MYOF: variants seen among roughly 807,000 people sequenced by gnomAD.
MYOF encodes myoferlin.
A neutral mutation model predicts 284.2 loss-of-function variants in MYOF; 244 were observed. The ratio of observed to expected loss-of-function variants is 0.86; its 90% CI spans 0.77 to 0.95. The LOEUF (loss-of-function observed/expected upper bound fraction) is 0.95. MYOF is among the 40% of genes least tolerant of loss of function. The pLI is 0.00. For synonymous variants in MYOF, 904 were observed against 919.7 expected (o/e 0.98, Z 0.31); for missense variants, 2,496 against 2,560.6 (o/e 0.97, Z 0.54).
rs867374556 is a variant in MYOF, at chr10:93,310,100, G to A, written c.6067C>T (p.Arg2023Cys). Residue 2023 changes from arginine (R) to cysteine (C), a missense_variant, in exon 53 of 54, where the codon CGC becomes TGC. This residue lies in a region of MYOF where 2,436 missense variants were observed against 2,480.7 expected (regional missense o/e 0.98). Transcript: ENST00000359263. ...CKTMKFIVWRRFKWVIIGLLF... is the reference protein window; with the variant it reads ...CKTMKFIVWRCFKWVIIGLLF... ...AAGCCGATGATGACCCACTTAAAGC[G>A]GCGCCACACGATGAACTTCATGGTC... The A allele has an allele frequency of 4.0e-5, 65 of 1,614,028 alleles. 1 individual carries two copies. In the Admixed American group the frequency reaches 9.5e-4, roughly 24 times the overall value.
chr10:93,456,830 A>AAT, intron 2 of MYOF, 52 bp downstream of exon 2: 1 of 1,350,090 alleles, frequency 7.4e-7, no homozygotes, highest in Non-Finnish European at 1.0e-6. Context: ...AAGATAGGAC[A>AAT]ATCAGAAATA....
At chr10:93,364,528 T>C (rs1328279460) in intron 26 of MYOF, among the ~76,000 whole-genome samples, 1 of 152,152 alleles carries the variant, frequency 6.6e-6, no homozygotes, top group Non-Finnish European at 1.5e-5. Context: ...TGAAGCCACA[T>C]GTGGCTTGCT....
At chr10:93,458,005 A>C (rs2056785934) in intron 1 of MYOF, among the ~76,000 whole-genome samples, 1 of 150,888 alleles carries the variant, frequency 6.6e-6, no homozygotes, top group Admixed American at 6.6e-5. Flanking sequence ...CAGCCTCCCA[A>C]AGTGCTGGGA....
chr10:93,395,677 G>A (rs1189711289), intron 16 of MYOF, among the ~76,000 whole-genome samples: 1 of 151,912 alleles, frequency 6.6e-6, no homozygotes, highest in Non-Finnish European at 1.5e-5. Flanking sequence ...AGGGAGTGAG[G>A]ACTACATGGT....
chr10:93,403,469 G>A (rs531370106), intron 9 of MYOF, among the ~76,000 whole-genome samples: 1 of 152,354 alleles, frequency 6.6e-6, no homozygotes, highest in South Asian at 2.1e-4. Context: ...GACAGGGTAT[G>A]AACACAGGTC....
At chr10:93,439,502 A>C (rs373012280) in intron 3 of MYOF, among the ~76,000 whole-genome samples, 2 of 151,928 alleles carry the variant, frequency 1.3e-5, no homozygotes, top group East Asian at 3.9e-4. Flanking sequence ...CCATTTATTC[A>C]CTCTTTCATG....
Position 93,343,870 on chromosome 10 carries a change from A to T in MYOF, c.4312T>A (p.Leu1438Ile). The change falls in exon 38 of 54, where the codon TTA becomes ATA. Residue 1438 changes from leucine to isoleucine, a missense_variant. Coordinates refer to ENST00000359263, the MANE Select transcript of MYOF (RefSeq NM_013451.4). The stretch of plus-strand genomic sequence containing the variant: ...CTGAAGCCTACCTTAGAAGCCAGTA[A>T]TGGTTTGGTGTCTTCCATTTCGATA... ...IVIEMEDTKP[L>I]LASKLTEKEE... 1 of 1,614,202 alleles carries T rather than the reference A, an allele frequency of 6.2e-7. No individual in the cohort carries two copies. The highest frequency in any genetic ancestry group is 8.5e-7 in the Non-Finnish European group (1 of 1,180,010).
At chr10:93,421,291 T>A (rs560285916) in intron 5 of MYOF, among the ~76,000 whole-genome samples, 1 of 152,284 alleles carries the variant, frequency 6.6e-6, no homozygotes, top group South Asian at 2.1e-4. Flanking sequence ...CCTGCTTATG[T>A]CATTAAGGTA....
chr10:93,460,623 C>T (rs765751755), intron 1 of MYOF, among the ~76,000 whole-genome samples: 34 of 151,800 alleles, frequency 2.2e-4, no homozygotes, highest in African/African-American at 6.5e-4. Context: ...AAATATTAGC[C>T]GGGCATGGTG....
At chr10:93,424,995 G>A (rs1848519475) in intron 5 of MYOF, among the ~76,000 whole-genome samples, 1 of 138,722 alleles carries the variant, frequency 7.2e-6, no homozygotes, top group Non-Finnish European at 1.5e-5. Flanking sequence ...CTGGAGTGCA[G>A]TGGCACAATC....
Position 93,329,849 on chromosome 10 carries a change from G to A in MYOF, c.4812-15C>T. The A allele has an allele frequency of 1.2e-6, 2 of 1,613,548 alleles. No homozygotes were observed. Among genetic ancestry groups the A allele is most frequent in the South Asian group, 1.1e-5 (1 of 91,060 alleles). On this transcript the variant is annotated splice_polypyrimidine_tract_variant and intron_variant, in intron 43 of 53. Coordinates refer to ENST00000359263, the MANE Select transcript of MYOF (RefSeq NM_013451.4). ...GTTCGTACATCCTAAATAAACAAATGCAAGGTCAGAATCTTCATGATCCAT... is the reference window on the plus strand; with the variant it reads ...GTTCGTACATCCTAAATAAACAAATACAAGGTCAGAATCTTCATGATCCAT...
At chr10:93,403,897 G>A in intron 9 of MYOF, 126 bp downstream of exon 9, 1 of 985,134 alleles carries the variant, frequency 1.0e-6, no homozygotes, top group Non-Finnish European at 1.6e-6. Context: ...CCTTCAGCAA[G>A]TGTCATCATG....
intron 1 of MYOF, among the ~76,000 whole-genome samples, chr10:93,471,614 C>T (rs997199054): frequency 6.6e-6 from 1 of 152,132 alleles, no homozygotes; most frequent in Admixed American, 6.5e-5. Context: ...GAAGGCGGGG[C>T]GTGGTGCCTC....
At chr10:93,418,238 G>A (rs1848214155) in intron 5 of MYOF, among the ~76,000 whole-genome samples, 2 of 152,228 alleles carry the variant, frequency 1.3e-5, no homozygotes, top group Non-Finnish European at 2.9e-5. Flanking sequence ...ATTATCTTCA[G>A]TGTAAGCTAA....
At chr10:93,465,216 G>T (rs530943045) in intron 1 of MYOF, among the ~76,000 whole-genome samples, 41 of 152,142 alleles carry the variant, frequency 2.7e-4, no homozygotes, top group Non-Finnish European at 4.7e-4. Context: ...TTCAAACCCC[G>T]GTCGAAAGAG....
chr10:93,353,176 C>G (rs993738552), intron 32 of MYOF, among the ~76,000 whole-genome samples: 23 of 152,186 alleles, frequency 1.5e-4, no homozygotes, highest in Admixed American at 7.9e-4. Flanking sequence ...CCTGAACTAT[C>G]CATGGTTCAG....
rs551007757 is a variant in MYOF at position 93,400,853 on chromosome 10, G to GTTTTTTT, written c.1117+558_1117+564dup. ...GACATTACTACCCTTTGCTCAGCAT[G>GTTTTTTT]TTTTTTTTTTTTTTTTTTTTTTTGA... On this transcript the variant is annotated intron_variant, in intron 12 of 53. Transcript: ENST00000359263. Among the ~76,000 whole-genome samples the GTTTTTTT allele has an allele frequency of 6.4e-4, 73 of 113,956 alleles. 1 individual carries two copies. Among genetic ancestry groups the GTTTTTTT allele is most frequent in the African/African-American group, 2.4e-3 (68 of 28,862 alleles). 74.8% of individuals were successfully genotyped at this position (113,956 alleles called of 152,430 possible). A position where few individuals can be genotyped will look rare whatever the true frequency, so the allele number is the denominator to read the frequency against.
Position 93,431,344 on chromosome 10 carries a change from T to C in MYOF, c.345+64A>G, listed in dbSNP as rs1848857639. 5 of 1,450,202 alleles carry C rather than the reference T, an allele frequency of 3.4e-6. No individual in the cohort carries two copies. In the South Asian group the frequency reaches 4.6e-5, roughly 13 times the overall value. The allele number at this position is 1,450,202 out of a possible 1,614,324, so 89.8% of individuals were successfully genotyped here. A position where few individuals can be genotyped will look rare whatever the true frequency, so the allele number is the denominator to read the frequency against. On this transcript the variant is annotated intron_variant, in intron 4 of 53. Coordinates refer to ENST00000359263, the MANE Select transcript of MYOF (RefSeq NM_013451.4). ...CACCACGCCCGGCCTTAGACCTTTT[T>C]CTTAATGAAATTTTGCTCAATCATC... is the stretch of plus-strand genomic sequence containing the variant.
intron 5 of MYOF, among the ~76,000 whole-genome samples, chr10:93,417,028 G>C (rs1175223100): frequency 3.3e-5 from 5 of 152,204 alleles, no homozygotes; most frequent in Non-Finnish European, 7.3e-5. Context: ...CATGCCTACT[G>C]TCACACAGCT....
Sources: allele counts gnomAD v4.1 joint callset (sites outside exome capture counted in the v4.1 genomes callset), GRCh38; gene constraint gnomAD v4.1.1; regional missense constraint gnomAD v4.1.1; transcripts MANE v1.5; gene names NCBI Gene and HGNC (gene_info 2026-07-23, HGNC 2026-07-21).